The following DNMT3B variants were observed in gnomAD, a reference collection of about 807,000 sequenced individuals.
DNMT3B encodes DNA methyltransferase 3 beta, also known as DNA (cytosine-5)-methyltransferase 3B.
A neutral mutation model predicts 120.2 loss-of-function variants in DNMT3B; 37 were observed. That is an observed-to-expected ratio of 0.31 (90% CI 0.24 to 0.40). The LOEUF (loss-of-function observed/expected upper bound fraction) is 0.40. Ranked by LOEUF, DNMT3B falls within the 10% of genes least tolerant of loss-of-function variation. The pLI is 1.00. For synonymous variants in DNMT3B, 412 were observed against 442.8 expected, an observed-to-expected ratio of 0.93 and a Z score of 0.87; for missense variants, 878 against 1,137.3, an observed-to-expected ratio of 0.77 and a Z score of 3.28.
chr20:32,781,236 A>T lies in DNMT3B; in HGVS notation c.143-117A>T, dbSNP rs1001626697. Reference sequence around the variant, plus strand: ...GACTGAGAGCAAATCCCTGTGGCTGACAATAGTGTAGGGGAGATCCCAGGC... The same window carrying T: ...GACTGAGAGCAAATCCCTGTGGCTGTCAATAGTGTAGGGGAGATCCCAGGC... On this transcript the variant is annotated intron_variant, in intron 2 of 22. Coordinates refer to ENST00000328111, the MANE Select transcript of DNMT3B (RefSeq NM_006892.4). 7.1e-6 allele frequency: 7 copies of T among 989,634 alleles called. No homozygotes were observed. In the African/African-American group the frequency reaches 1.1e-4, roughly 16 times the overall value. 61.3% of individuals were successfully genotyped at this position (989,634 alleles called of 1,614,324 possible).
In DNMT3B at chr20:32,797,308, T is replaced by C. The variant is rs370659978; in HGVS notation, c.1490+9T>C. On this transcript the variant is annotated intron_variant, in intron 14 of 22. Coordinates refer to ENST00000328111, the MANE Select transcript of DNMT3B (RefSeq NM_006892.4). ...AACACGAGCTGCTGCCGGTGAGCAC[T>C]GGGCCCTGTGGGGTGGATGTGGGTG... is the stretch of plus-strand genomic sequence containing the variant. The C allele has an allele frequency of 1.4e-4, 218 of 1,613,108 alleles. No individual in the cohort carries two copies. The highest frequency in any genetic ancestry group is 1.8e-4 in the Non-Finnish European group (208 of 1,179,382).
chr20:32,763,564 T>C (rs1191071908), intron 1 of DNMT3B, among the ~76,000 whole-genome samples: 1 of 152,212 alleles, frequency 6.6e-6, no homozygotes, highest in African/African-American at 2.4e-5. Context: ...CACCAGCTCC[T>C]GGAAGATAAG....
At position 32,792,734 on chromosome 20, in the gene DNMT3B, G is replaced by T; in HGVS notation, c.1030G>T (p.Gly344Trp). ...EWAHGGFKPT[G>W]IEGLKPNNTQ... ...GGCCCACGGGGGCTTCAAGCCCACT[G>T]GGATCGAGGGCCTCAAACCCAACAA... is the stretch of plus-strand genomic sequence containing the variant. The change falls in exon 9 of 23, where the codon GGG (glycine) becomes TGG (tryptophan). Residue 344 changes from glycine to tryptophan, a missense_variant. Transcript: ENST00000328111. 3.1e-6 allele frequency: 5 copies of T among 1,614,236 alleles called. No individual in the cohort carries two copies. Among genetic ancestry groups the T allele is most frequent in the Non-Finnish European group, 4.2e-6 (5 of 1,180,040 alleles).
intron 1 of DNMT3B, among the ~76,000 whole-genome samples, chr20:32,772,364 T>C (rs1437868392): frequency 2.6e-5 from 4 of 152,116 alleles, no homozygotes; most frequent in African/African-American, 9.7e-5. Context: ...ATAGGTAGAC[T>C]TGAGATTTAA....
intron 1 of DNMT3B, among the ~76,000 whole-genome samples, chr20:32,763,352 C>G (rs776556815): frequency 5.9e-5 from 9 of 152,220 alleles, no homozygotes; most frequent in Non-Finnish European, 1.3e-4. Flanking sequence ...TGCTCCTGAG[C>G]TGAGCCATCA....
intron 22 of DNMT3B, among the ~76,000 whole-genome samples, chr20:32,806,608 A>G (rs1982010572): frequency 6.6e-6 from 1 of 152,226 alleles, no homozygotes; most frequent in Admixed American, 6.5e-5. Context: ...ATGCTGGGAC[A>G]CTACGATGTG....
At position 32,796,874 on chromosome 20, in the gene DNMT3B, GTCC is replaced by G. The variant is rs780260405; in HGVS notation, c.1377+10_1377+12del. On this transcript the variant is annotated splice_donor_region_variant and intron_variant, in intron 13 of 22. Coordinates refer to ENST00000328111, the MANE Select transcript of DNMT3B (RefSeq NM_006892.4). The stretch of plus-strand genomic sequence containing the variant: ...GGGCTCTGTCAGACATGCCGGGTAA[GTCC>G]TCCTACTACTGCCCTGGACCTTCCT... 37 of 1,614,140 alleles carry G rather than the reference GTCC, an allele frequency of 2.3e-5. No individual in the cohort carries two copies. Among genetic ancestry groups the G allele is most frequent in the Non-Finnish European group, 3.1e-5 (36 of 1,180,010 alleles).
At chr20:32,782,612 G>C (rs2066865409) in intron 3 of DNMT3B, among the ~76,000 whole-genome samples, 1 of 152,218 alleles carries the variant, frequency 6.6e-6, no homozygotes, top group Non-Finnish European at 1.5e-5. Context: ...TATTTTGAGA[G>C]AGAAACCACA....
chr20:32,805,539 C>T (rs1212704637), intron 21 of DNMT3B, 132 bp downstream of exon 21: 1 of 966,598 alleles, frequency 1.0e-6, no homozygotes, highest in Non-Finnish European at 1.6e-6. Flanking sequence ...GCTTCCCTCT[C>T]CCACATGATT....
At chr20:32,795,558 A>G (rs372330492) in intron 11 of DNMT3B, 24 bp downstream of exon 11, 2 of 1,614,160 alleles carry the variant, frequency 1.2e-6, no homozygotes, top group African/African-American at 1.3e-5. Context: ...ACCTGGGATC[A>G]TGGGACAGAT....
chr20:32,795,420 C>T lies in DNMT3B; in HGVS notation c.1138C>T (p.Arg380Ter), dbSNP rs376213530. 2.5e-6 allele frequency: 4 copies of T among 1,613,928 alleles called. No homozygotes were observed. Among genetic ancestry groups the T allele is most frequent in the Non-Finnish European group, 3.4e-6 (4 of 1,179,996 alleles). The change falls in exon 11 of 23, where the codon CGA becomes TGA. Residue 380 changes from arginine to a stop codon, truncating the protein, a stop_gained. Transcript: ENST00000328111. LOFTEE classifies it high-confidence loss of function. ...LESRKYENKT[R>*]RRTADDSATS... The stretch of plus-strand genomic sequence containing the variant: ...ATTACCTTTCACAGAGAACAAGACT[C>T]GAAGACGCACAGCTGACGACTCAGC...
intron 1 of DNMT3B, chr20:32,779,781 C>A: frequency 2.1e-6 from 1 of 477,134 alleles, no homozygotes; most frequent in Non-Finnish European, 3.8e-6. Context: ...GCTTGTGCTG[C>A]CATGGAGAGG....
At chr20:32,767,990 G>A (rs1269266254) in intron 1 of DNMT3B, among the ~76,000 whole-genome samples, 3 of 152,220 alleles carry the variant, frequency 2.0e-5, no homozygotes, top group Non-Finnish European at 4.4e-5. Context: ...TGATGCCTTT[G>A]TAGGGCGTTT....
chr20:32,788,137 C>T (rs945699529), intron 6 of DNMT3B, among the ~76,000 whole-genome samples: 3 of 151,978 alleles, frequency 2.0e-5, no homozygotes, highest in African/African-American at 4.8e-5. Context: ...TGGGCTTAAA[C>T]GTGCAAGTCA....
rs1987040251 is a variant in DNMT3B, at chr20:32,762,674, C to T, written c.-32C>T. 1 of 204,672 alleles carries T rather than the reference C, an allele frequency of 4.9e-6. No individual in the cohort carries two copies. The highest frequency in any genetic ancestry group is 9.7e-6 in the Non-Finnish European group (1 of 103,352). 12.7% of individuals were successfully genotyped at this position (204,672 alleles called of 1,614,324 possible). On this transcript the variant is annotated 5_prime_UTR_variant, in exon 1 of 23. Transcript: ENST00000328111. ...CCCGACCCGCGGCTCCGCCGCCCAG[C>T]CGCGCCCCAGCCAGCCCTGCGGCAG...
intron 1 of DNMT3B, among the ~76,000 whole-genome samples, chr20:32,772,560 A>G (rs1056830706): frequency 2.0e-5 from 3 of 151,854 alleles, no homozygotes; most frequent in African/African-American, 7.3e-5. Context: ...TTCTGCTCCA[A>G]TGCTGCCCCT....
chr20:32,795,782 G>T (rs923406702), intron 12 of DNMT3B, 88 bp downstream of exon 12: 8 of 1,543,030 alleles, frequency 5.2e-6, no homozygotes, highest in Non-Finnish European at 8.9e-7. Context: ...CCCTGTCAGG[G>T]TTTAACCCAG....
intron 20 of DNMT3B, among the ~76,000 whole-genome samples, chr20:32,804,589 T>C (rs1437382035): frequency 2.0e-5 from 3 of 152,168 alleles, no homozygotes; most frequent in African/African-American, 7.2e-5. Flanking sequence ...CTCAACTACT[T>C]TCAGTTCTAG....
rs1024509449 is a variant in DNMT3B, at chr20:32,808,193, T to C, written c.*290T>C. Reference sequence around the variant, plus strand: ...ACTTGAAGTAGGTAGCAACGTGGCTTTTTTTTTTTCCCTTCCTGGGTCTAC... The same window carrying C: ...ACTTGAAGTAGGTAGCAACGTGGCTCTTTTTTTTTCCCTTCCTGGGTCTAC... On this transcript the variant is annotated 3_prime_UTR_variant, in exon 23 of 23. Transcript: ENST00000328111. 4.7e-6 allele frequency: 2 copies of C among 421,354 alleles called. No individual in the cohort carries two copies. The highest frequency in any genetic ancestry group is 8.7e-6 in the Non-Finnish European group (2 of 229,802). 26.1% of individuals were successfully genotyped at this position (421,354 alleles called of 1,614,324 possible).
Sources: allele counts gnomAD v4.1 joint callset (sites outside exome capture counted in the v4.1 genomes callset), GRCh38; gene constraint gnomAD v4.1.1; transcripts MANE v1.5; gene names NCBI Gene and HGNC (gene_info 2026-07-23, HGNC 2026-07-21).